Variants in MAML3 observed in about 807,000 individuals in gnomAD.
The protein encoded by MAML3 is mastermind like transcriptional coactivator 3.
A neutral mutation model predicts 101.9 loss-of-function variants in MAML3; 27 were observed. The observed-to-expected ratio is 0.27, with a 90% CI of 0.20 to 0.37. The LOEUF is 0.37. MAML3 is among the 10% of genes least tolerant of loss of function. The pLI is 1.00. For synonymous variants in MAML3, 501 were observed against 555.9 expected, an observed-to-expected ratio of 0.90 and a Z score of 1.39; for missense variants, 1,316 against 1,444.9, an observed-to-expected ratio of 0.91 and a Z score of 1.45.
Position 139,834,418 on chromosome 4 carries a change from G to A in MAML3, c.2079+54939C>T, listed in dbSNP as rs1731223305. On this transcript the variant is annotated intron_variant, in intron 2 of 4. Coordinates refer to ENST00000509479, the MANE Select transcript of MAML3 (RefSeq NM_018717.5). Reference sequence around the variant, plus strand: ...ACCAGCCACTAGGCAGTTTAGTGGCGGTAGCACGTAGACTGGGCCACTTCT... The same window carrying A: ...ACCAGCCACTAGGCAGTTTAGTGGCAGTAGCACGTAGACTGGGCCACTTCT... Among the ~76,000 whole-genome samples, 7 of 152,234 alleles carry A rather than the reference G, an allele frequency of 4.6e-5. No homozygotes were observed. In the South Asian group the frequency reaches 1.2e-3, roughly 27 times the overall value.
intron 2 of MAML3, among the ~76,000 whole-genome samples, chr4:139,747,221 T>C (rs7660653): frequency 1 from 151,660 of 152,310 alleles, 75,506 homozygotes; most frequent in Middle Eastern, 1. Context: ...AATCCACACC[T>C]TCTGCATCAC....
chr4:139,788,658 G>A (rs1730348457), intron 2 of MAML3, among the ~76,000 whole-genome samples: 1 of 152,204 alleles, frequency 6.6e-6, no homozygotes, highest in Non-Finnish European at 1.5e-5. Flanking sequence ...AGATAGGGAT[G>A]GCCAAGAAAC....
intron 1 of MAML3, among the ~76,000 whole-genome samples, chr4:140,069,207 G>T (rs1727588348): frequency 6.6e-6 from 1 of 152,116 alleles, no homozygotes. Flanking sequence ...CATAGTAGAA[G>T]GGGAAATGTG....
At chr4:140,070,103 G>A (rs1012742057) in intron 1 of MAML3, among the ~76,000 whole-genome samples, 3 of 150,132 alleles carry the variant, frequency 2.0e-5, no homozygotes, top group South Asian at 2.1e-4. Context: ...GAGACAGAGC[G>A]AGACTCCATC....
chr4:140,110,195 GAC>G (rs1377582914), intron 1 of MAML3, among the ~76,000 whole-genome samples: 1 of 152,226 alleles, frequency 6.6e-6, no homozygotes, highest in Non-Finnish European at 1.5e-5. Context: ...AAGGAAATCA[GAC>G]GGTAAAATGT....
At chr4:140,115,470 A>G (rs1728502969) in intron 1 of MAML3, among the ~76,000 whole-genome samples, 1 of 152,252 alleles carries the variant, frequency 6.6e-6, no homozygotes, top group South Asian at 2.1e-4. Context: ...AAATTAATGC[A>G]TAAGAGTAAA....
chr4:139,719,151 G>T lies in MAML3; in HGVS notation c.*172C>A. 1.5e-6 allele frequency: 1 copy of T among 677,426 alleles called. No individual in the cohort carries two copies. Among genetic ancestry groups the T allele is most frequent in the South Asian group, 2.2e-5 (1 of 46,064 alleles). 42.0% of individuals were successfully genotyped at this position (677,426 alleles called of 1,614,324 possible). ...GCTGTGTGAAAATCAGGTGAAATGA[G>T]GCCTGGTGGGGCTGTGGATTGGCAC... is the stretch of plus-strand genomic sequence containing the variant. On this transcript the variant is annotated 3_prime_UTR_variant, in exon 5 of 5. Transcript: ENST00000509479.
chr4:140,109,781 C>A (rs907988891), intron 1 of MAML3, among the ~76,000 whole-genome samples: 1 of 152,074 alleles, frequency 6.6e-6, no homozygotes, highest in African/African-American at 2.4e-5. Context: ...TCTGACAGCC[C>A]GGCAGTTATA....
chr4:140,137,714 T>C (rs1728918422), intron 1 of MAML3, among the ~76,000 whole-genome samples: 1 of 152,242 alleles, frequency 6.6e-6, no homozygotes, highest in African/African-American at 2.4e-5. Context: ...CAATCCTCCT[T>C]TCTTCTTCCA....
chr4:139,829,038 AAGGG>A (rs1263359206), intron 2 of MAML3, among the ~76,000 whole-genome samples: 5 of 117,398 alleles, frequency 4.3e-5, no homozygotes, highest in Admixed American at 9.1e-5. Context: ...CGGACGGACT[AAGGG>A]AGGGAGGGAG....
rs758297458 is a variant in MAML3, at chr4:139,889,377, C to A, written c.2059G>T (p.Ala687Ser). ...GVMNQPMAYA[A>S]LPSHGQEQHP... ...CTTACCTGACCGTGGGATGGAAGTGCAGCGTAAGCCATGGGCTGATTCATC... is the reference window on the plus strand; with the variant it reads ...CTTACCTGACCGTGGGATGGAAGTGAAGCGTAAGCCATGGGCTGATTCATC... Residue 687 changes from alanine (A) to serine (S), a missense_variant, in exon 2 of 5, where the codon GCA becomes TCA. Physicochemically the swap from Ala to Ser is moderately conservative, Grantham distance 99. Transcript: ENST00000509479. 2 of 1,614,052 alleles carry A rather than the reference C, an allele frequency of 1.2e-6. No homozygotes were observed. The highest frequency in any genetic ancestry group is 2.2e-5 in the East Asian group (1 of 44,886).
chr4:139,844,158 CCT>C, intron 2 of MAML3, among the ~76,000 whole-genome samples: 1 of 152,310 alleles, frequency 6.6e-6, no homozygotes, highest in South Asian at 2.1e-4. Flanking sequence ...TGTTCCAAAA[CCT>C]CTGTTGCACT....
At chr4:139,783,907 C>T (rs564574354) in intron 2 of MAML3, among the ~76,000 whole-genome samples, 91 of 152,290 alleles carry the variant, frequency 6.0e-4, no homozygotes, top group African/African-American at 2.0e-3. Flanking sequence ...ATTGACTCCT[C>T]GGAGGCTCTT....
At chr4:139,891,252 C>T (rs1335559832) in intron 1 of MAML3, among the ~76,000 whole-genome samples, 1 of 152,126 alleles carries the variant, frequency 6.6e-6, no homozygotes, top group African/African-American at 2.4e-5. Flanking sequence ...ATACTCTCAG[C>T]AAGGAAGAAT....
chr4:140,035,698 G>A (rs1219489713), intron 1 of MAML3, among the ~76,000 whole-genome samples: 2 of 151,716 alleles, frequency 1.3e-5, no homozygotes, highest in South Asian at 2.1e-4. Flanking sequence ...CAGGAGAATC[G>A]CTTGAACCCG....
chr4:139,878,844 C>T (rs927707453), intron 2 of MAML3, among the ~76,000 whole-genome samples: 1 of 152,208 alleles, frequency 6.6e-6, no homozygotes, highest in East Asian at 1.9e-4. Flanking sequence ...AGAGGCCCTA[C>T]ATAAGCCTTG....
chr4:140,010,745 T>C (rs1011110636), intron 1 of MAML3, among the ~76,000 whole-genome samples: 2 of 152,152 alleles, frequency 1.3e-5, no homozygotes, highest in African/African-American at 4.8e-5. Flanking sequence ...GTGCATTTGA[T>C]AAAAATATCA....
At chr4:139,901,973 A>G (rs776702443) in intron 1 of MAML3, among the ~76,000 whole-genome samples, 5 of 152,256 alleles carry the variant, frequency 3.3e-5, no homozygotes, top group Non-Finnish European at 5.9e-5. Context: ...GGATGCGAAC[A>G]GCCAGGGTGC....
intron 1 of MAML3, among the ~76,000 whole-genome samples, chr4:139,914,492 G>A (rs1732992812): frequency 6.6e-6 from 1 of 151,920 alleles, no homozygotes; most frequent in Non-Finnish European, 1.5e-5. Context: ...CCATATTGTG[G>A]GGAGGAAAAA....
Sources: allele counts gnomAD v4.1 joint callset (sites outside exome capture counted in the v4.1 genomes callset), GRCh38; gene constraint gnomAD v4.1.1; transcripts MANE v1.5; gene names NCBI Gene and HGNC (gene_info 2026-07-23, HGNC 2026-07-21).